The following FOXP1 variants were observed in gnomAD, a reference collection of about 807,000 sequenced individuals.
FOXP1 encodes forkhead box P1, also known as forkhead box protein P1.
A neutral mutation model predicts 98.2 loss-of-function variants in FOXP1; 15 were observed. The ratio of observed to expected loss-of-function variants is 0.15; its 90% CI spans 0.10 to 0.24. FOXP1 has a LOEUF of 0.24. FOXP1 is among the 10% of genes least tolerant of loss of function. FOXP1 has a pLI of 1.00. For synonymous variants in FOXP1, 371 were observed against 314.5 expected, an observed-to-expected ratio of 1.18 and a Z score of -1.90; for missense variants, 633 against 848.5, an observed-to-expected ratio of 0.75 and a Z score of 3.15.
intron 20 of FOXP1, 90 bp from the exon 21 acceptor site, chr3:70,959,481 GCA>G: frequency 7.1e-7 from 1 of 1,417,060 alleles, no homozygotes; most frequent in Non-Finnish European, 9.9e-7. Flanking sequence ...CAGAAAAGCC[GCA>G]CTCTAGAACT....
chr3:71,233,443 T>A (rs1424944232), intron 5 of FOXP1, among the ~76,000 whole-genome samples: 1 of 152,112 alleles, frequency 6.6e-6, no homozygotes, highest in African/African-American at 2.4e-5. Context: ...TTTGTTTTTT[T>A]GAGATGGAGT....
intron 11 of FOXP1, among the ~76,000 whole-genome samples, chr3:71,022,672 G>T (rs1282901855): frequency 6.6e-6 from 1 of 152,184 alleles, no homozygotes; most frequent in Non-Finnish European, 1.5e-5. Flanking sequence ...GGCCTCATTT[G>T]TCATGATAGC....
intron 6 of FOXP1, among the ~76,000 whole-genome samples, chr3:71,160,111 C>T (rs1462305505): frequency 2.0e-5 from 3 of 152,334 alleles, no homozygotes; most frequent in African/African-American, 2.4e-5. Flanking sequence ...ACCAAAGGGC[C>T]GAAGGCAGCT....
intron 2 of FOXP1, among the ~76,000 whole-genome samples, chr3:71,544,753 C>A (rs2045217884): frequency 6.6e-6 from 1 of 152,078 alleles, no homozygotes; most frequent in African/African-American, 2.4e-5. Context: ...ATGTATTTTA[C>A]AAATCACAAC....
intron 7 of FOXP1, among the ~76,000 whole-genome samples, chr3:71,094,760 G>C (rs1575651732): frequency 1.3e-5 from 2 of 152,230 alleles, no homozygotes; most frequent in African/African-American, 4.8e-5. Context: ...ACCAGGAAGT[G>C]TTGGTTTGGG....
chr3:71,360,417 CTG>C (rs1178084362), intron 3 of FOXP1: 5 of 152,294 alleles, frequency 3.3e-5, no homozygotes, highest in Admixed American at 2.6e-4. Flanking sequence ...AACAGTCACT[CTG>C]TTCATGTGCT....
In FOXP1 at chr3:71,174,221, T is replaced by C. The variant is rs375058182; in HGVS notation, c.180+23981A>G. 1.1e-4 allele frequency among the ~76,000 whole-genome samples: 17 copies of C among 152,272 alleles called. 2 individuals carry two copies. Among genetic ancestry groups the C allele is most frequent in the African/African-American group, 2.6e-4 (11 of 41,554 alleles). ...AAAATTTAGAGTTTACAGATCCTTA[T>C]TGTAGAAAGATTACTGTGGAGGGGG... On this transcript the variant is annotated intron_variant, in intron 6 of 20. Transcript: ENST00000649528.
intron 7 of FOXP1, among the ~76,000 whole-genome samples, chr3:71,063,829 C>G (rs1374594501): frequency 6.6e-6 from 1 of 152,160 alleles, no homozygotes; most frequent in African/African-American, 2.4e-5. Context: ...CTTGTAACTG[C>G]CAGGACTTGA....
At chr3:71,445,598 A>T (rs904025687) in intron 3 of FOXP1, among the ~76,000 whole-genome samples, 3 of 151,986 alleles carry the variant, frequency 2.0e-5, no homozygotes, top group African/African-American at 7.3e-5. Context: ...TGTGTTATGT[A>T]TGCCCCAAGT....
At chr3:71,506,711 C>A (rs1306218436) in intron 2 of FOXP1, among the ~76,000 whole-genome samples, 1 of 152,158 alleles carries the variant, frequency 6.6e-6, no homozygotes, top group African/African-American at 2.4e-5. Context: ...CCACGTTTGC[C>A]CTTGACTTAG....
chr3:71,150,519 C>A (rs1168419906), intron 6 of FOXP1, among the ~76,000 whole-genome samples: 2 of 152,160 alleles, frequency 1.3e-5, no homozygotes, highest in African/African-American at 4.8e-5. Flanking sequence ...CGATACTTAT[C>A]TTACTCATCG....
At chr3:71,581,510 G>T in intron 2 of FOXP1, 39 bp downstream of exon 2, 2 of 985,456 alleles carry the variant, frequency 2.0e-6, no homozygotes, top group Non-Finnish European at 2.4e-6. Context: ...GGGCTCTCCG[G>T]TGTCCCTGGA....
At chr3:71,027,304 C>T (rs1445844288) in intron 11 of FOXP1, among the ~76,000 whole-genome samples, 3 of 152,130 alleles carry the variant, frequency 2.0e-5, no homozygotes, top group Admixed American at 6.5e-5. Context: ...TTCCCCTCCC[C>T]AGTATGCTAT....
chr3:70,967,638 T>A (rs1474413626), intron 19 of FOXP1, among the ~76,000 whole-genome samples: 2 of 150,002 alleles, frequency 1.3e-5, no homozygotes, highest in East Asian at 3.8e-4. Flanking sequence ...TTTCTTTCTT[T>A]CTTTTTGTTT....
chr3:71,020,924 C>T (rs1292513953), intron 11 of FOXP1, among the ~76,000 whole-genome samples: 1 of 152,126 alleles, frequency 6.6e-6, no homozygotes, highest in Non-Finnish European at 1.5e-5. Flanking sequence ...AAAACGAAAT[C>T]CTGCCTAAAT....
intron 5 of FOXP1, among the ~76,000 whole-genome samples, chr3:71,280,372 G>A (rs2071406233): frequency 6.7e-6 from 1 of 149,960 alleles, no homozygotes; most frequent in African/African-American, 2.5e-5. Flanking sequence ...CTAGGCTGGA[G>A]TGCAGTGGTG....
intron 6 of FOXP1, among the ~76,000 whole-genome samples, chr3:71,185,112 G>C (rs555294341): frequency 3.0e-4 from 45 of 152,170 alleles, no homozygotes; most frequent in Non-Finnish European, 4.9e-4. Context: ...AGAATTGCTT[G>C]AACACGGGAG....
chr3:71,339,652 A>T (rs1447739121), intron 4 of FOXP1, among the ~76,000 whole-genome samples: 2 of 152,254 alleles, frequency 1.3e-5, no homozygotes, highest in Non-Finnish European at 2.9e-5. Flanking sequence ...GGCTCAAATT[A>T]GCAAGATTTT....
At chr3:71,059,090 T>A (rs970988642) in intron 7 of FOXP1, among the ~76,000 whole-genome samples, 9 of 152,300 alleles carry the variant, frequency 5.9e-5, no homozygotes, top group African/African-American at 1.7e-4. Flanking sequence ...TCAGTAACAA[T>A]ACAACCAACT....
Sources: gnomAD v4.1 joint callset for allele counts (sites outside exome capture counted in the v4.1 genomes callset) on GRCh38, gnomAD v4.1.1 for gene constraint, MANE v1.5 for transcripts, NCBI Gene and HGNC (gene_info 2026-07-23, HGNC 2026-07-21) for gene names.